Variants in KMT2C observed in about 807,000 individuals in gnomAD.
KMT2C encodes the protein histone-lysine N-methyltransferase 2C.
A neutral mutation model predicts 507.9 loss-of-function variants in KMT2C; 88 were observed. That is an observed-to-expected ratio of 0.17 (90% confidence interval 0.15 to 0.21). The LOEUF (loss-of-function observed/expected upper bound fraction) is 0.21, where lower values mean the gene tolerates loss of function less well. KMT2C is among the 10% of genes least tolerant of loss of function. KMT2C has a pLI of 1.00. For missense variants in KMT2C, 4,954 were observed against 5,957.8 expected (o/e 0.83, Z 5.55); for synonymous variants, 2,049 against 2,080.8 (o/e 0.98, Z 0.42).
chr7:152,351,521 T>C (rs962266732), intron 2 of KMT2C, among the ~76,000 whole-genome samples: 3 of 152,218 alleles, frequency 2.0e-5, no homozygotes, highest in Non-Finnish European at 2.9e-5. Flanking sequence ...ACTGTACTAG[T>C]ATATGACTAA....
intron 14 of KMT2C, among the ~76,000 whole-genome samples, chr7:152,241,887 T>A (rs1025971293): frequency 3.3e-5 from 5 of 152,224 alleles, no homozygotes; most frequent in African/African-American, 1.2e-4. Flanking sequence ...GTATTATTCA[T>A]CATAATTTAA....
chr7:152,279,575 T>C (rs2096161109), intron 6 of KMT2C, among the ~76,000 whole-genome samples: 1 of 152,260 alleles, frequency 6.6e-6, no homozygotes, highest in African/African-American at 2.4e-5. Context: ...ATTCTGTATA[T>C]GAATTGACCT....
At chr7:152,280,530 G>A (rs1393862409) in intron 6 of KMT2C, among the ~76,000 whole-genome samples, 3 of 152,016 alleles carry the variant, frequency 2.0e-5, no homozygotes, top group African/African-American at 4.8e-5. Context: ...CAGCCTGGGC[G>A]GCAGATCAAG....
chr7:152,377,965 A>T (rs2097342371), intron 1 of KMT2C, among the ~76,000 whole-genome samples: 1 of 152,204 alleles, frequency 6.6e-6, no homozygotes, highest in Non-Finnish European at 1.5e-5. Flanking sequence ...GATGTAGTGG[A>T]AACAGCAAGA....
Position 152,177,978 on chromosome 7 carries a change from A to G in KMT2C, c.7475T>C (p.Met2492Thr). 1 of 1,392,378 alleles carries G rather than the reference A, an allele frequency of 7.2e-7. No homozygotes were observed. The allele number at this position is 1,392,378 out of a possible 1,614,324, so 86.3% of individuals were successfully genotyped here. A position where few individuals can be genotyped will look rare whatever the true frequency, so the allele number is the denominator to read the frequency against. The change falls in exon 38 of 59, where the codon ATG becomes ACG. Residue 2492 changes from methionine (M) to threonine (T), a missense_variant. This residue lies in a region of KMT2C where 1,689 missense variants were observed against 1,654.3 expected (regional missense o/e 1.02). Coordinates refer to ENST00000262189, the MANE Select transcript of KMT2C (RefSeq NM_170606.3). ...FGFPGGSHGTMPSQERFLVPP... is the reference protein window; with the variant it reads ...FGFPGGSHGTTPSQERFLVPP... ...CACAAGGAAGCGCTCTTGACTCGGCATGGTACCATGACTACCTCCTGGAAA... is the reference window on the plus strand; with the variant it reads ...CACAAGGAAGCGCTCTTGACTCGGCGTGGTACCATGACTACCTCCTGGAAA...
chr7:152,149,803 ACCAAC>A (rs2091456960), intron 51 of KMT2C, among the ~76,000 whole-genome samples: 1 of 152,208 alleles, frequency 6.6e-6, no homozygotes, highest in African/African-American at 2.4e-5. Context: ...ACTAATAAAC[ACCAAC>A]CCACAGGCTG....
At chr7:152,382,971 C>T (rs6971121) in intron 1 of KMT2C, among the ~76,000 whole-genome samples, 2,284 of 146,090 alleles carry the variant, frequency 0.016, no homozygotes, top group African/African-American at 0.061. Flanking sequence ...TAATACTCTG[C>T]AACTACTAAA....
intron 6 of KMT2C, among the ~76,000 whole-genome samples, chr7:152,303,944 C>T (rs927797366): frequency 1.3e-5 from 2 of 151,950 alleles, no homozygotes; most frequent in African/African-American, 2.4e-5. Flanking sequence ...ACTGAGATTG[C>T]GCCACTGCAA....
chr7:152,389,850 T>C (rs1195970108), intron 1 of KMT2C, among the ~76,000 whole-genome samples: 1 of 152,062 alleles, frequency 6.6e-6, no homozygotes, highest in Non-Finnish European at 1.5e-5. Flanking sequence ...CAAAAAAAGG[T>C]AAAAATATAC....
rs1481962642 is a variant in KMT2C, at chr7:152,135,540, G to A, written c.*1292C>T. On this transcript the variant is annotated 3_prime_UTR_variant, in exon 59 of 59. Coordinates refer to ENST00000262189, the MANE Select transcript of KMT2C (RefSeq NM_170606.3). Reference sequence around the variant, plus strand: ...TTTTTTTTAACTTTTTCAAATTTTTGTGTTAAATAGAAGGCTAAAGGGTTA... The same window carrying A: ...TTTTTTTTAACTTTTTCAAATTTTTATGTTAAATAGAAGGCTAAAGGGTTA... 1 of 222,262 alleles carries A rather than the reference G, an allele frequency of 4.5e-6. No individual in the cohort carries two copies. The highest frequency in any genetic ancestry group is 9.0e-6 in the Non-Finnish European group (1 of 111,728). 13.8% of individuals were successfully genotyped at this position (222,262 alleles called of 1,614,324 possible).
intron 1 of KMT2C, among the ~76,000 whole-genome samples, chr7:152,434,410 C>G (rs1266298048): frequency 6.6e-6 from 1 of 152,152 alleles, no homozygotes; most frequent in Non-Finnish European, 1.5e-5. Context: ...CAATGGGTTC[C>G]CACAACCCAG....
chr7:152,199,232 G>GT (rs2094057861), intron 27 of KMT2C, 47 bp downstream of exon 27: 1 of 1,409,842 alleles, frequency 7.1e-7, no homozygotes, highest in Admixed American at 2.5e-5. Context: ...AAAGGAAGAT[G>GT]TATGTTATAT....
intron 6 of KMT2C, among the ~76,000 whole-genome samples, chr7:152,290,218 ATATGTGTGTG>A (rs1453568245): frequency 2.8e-5 from 3 of 108,744 alleles, no homozygotes; most frequent in African/African-American, 8.5e-5. Flanking sequence ...TTTTATATAT[ATATGTGTGTG>A]TGTGTGTGTG....
intron 6 of KMT2C, among the ~76,000 whole-genome samples, chr7:152,293,308 A>G (rs1396390908): frequency 6.6e-6 from 1 of 152,244 alleles, no homozygotes; most frequent in Non-Finnish European, 1.5e-5. Flanking sequence ...TACACAAATC[A>G]ATTTCAAATA....
chr7:152,153,023 C>T (rs1401087287), intron 48 of KMT2C, 69 bp from the exon 49 acceptor site: 1 of 1,553,992 alleles, frequency 6.4e-7, no homozygotes, highest in Non-Finnish European at 8.8e-7. Context: ...GAAAAATACA[C>T]ACTTAGGATA....
intron 18 of KMT2C, among the ~76,000 whole-genome samples, chr7:152,226,270 T>C (rs1401908059): frequency 6.9e-6 from 1 of 145,964 alleles, no homozygotes; most frequent in African/African-American, 2.6e-5. Context: ...CTCTGCTCTG[T>C]TGCCTAGGCT....
chr7:152,364,618 A>C (rs959594783), intron 1 of KMT2C, among the ~76,000 whole-genome samples: 2 of 137,874 alleles, frequency 1.5e-5, no homozygotes, highest in Non-Finnish European at 3.0e-5. Context: ...CCAAAAAAAA[A>C]AAGAAAAGAA....
intron 3 of KMT2C, among the ~76,000 whole-genome samples, chr7:152,318,065 G>C (rs1378224489): frequency 6.6e-6 from 1 of 152,012 alleles, no homozygotes; most frequent in Admixed American, 6.6e-5. Flanking sequence ...TTAAACCCAG[G>C]AGGCGGAGGT....
intron 22 of KMT2C, among the ~76,000 whole-genome samples, chr7:152,221,556 G>GTT (rs1403404748): frequency 3.9e-5 from 6 of 152,216 alleles, no homozygotes; most frequent in African/African-American, 1.4e-4. Context: ...AAACATTTTT[G>GTT]TATCAGGTGC....
Sources: allele counts gnomAD v4.1 joint callset (sites outside exome capture counted in the v4.1 genomes callset), GRCh38; gene constraint gnomAD v4.1.1; regional missense constraint gnomAD v4.1.1; transcripts MANE v1.5; gene names NCBI Gene and HGNC (gene_info 2026-07-23, HGNC 2026-07-21).